Variants in EPHA3 observed in about 807,000 individuals in gnomAD.
The protein encoded by EPHA3 is EPH receptor A3.
In EPHA3, 42 loss-of-function variants were observed where a neutral mutation model predicts 107.1. The ratio of observed to expected loss-of-function variants is 0.39; its 90% CI spans 0.31 to 0.51. EPHA3 has a LOEUF of 0.51. Ranked by LOEUF, EPHA3 falls within the 20% of genes least tolerant of loss-of-function variation. The probability of loss-of-function intolerance (pLI) is 0.78; values close to 1 mark genes in which losing one functional copy is unlikely to be tolerated. For missense variants in EPHA3, 1,183 were observed against 1,211.2 expected (o/e 0.98, Z 0.35); for synonymous variants, 461 against 424.8 (o/e 1.09, Z -1.05).
chr3:89,442,908 A>C (rs899620837), intron 13 of EPHA3, among the ~76,000 whole-genome samples: 2 of 152,206 alleles, frequency 1.3e-5, no homozygotes, highest in African/African-American at 4.8e-5. Context: ...TTAAACACTT[A>C]AATTACTTAC....
intron 2 of EPHA3, among the ~76,000 whole-genome samples, chr3:89,156,880 T>A (rs887366262): frequency 1.7e-5 from 2 of 114,880 alleles, no homozygotes; most frequent in African/African-American, 6.7e-5. Context: ...ACACATTTTA[T>A]TTTTTTTTTG....
chr3:89,345,458 C>T (rs1387866193), intron 5 of EPHA3, among the ~76,000 whole-genome samples: 1 of 150,998 alleles, frequency 6.6e-6, no homozygotes, highest in Non-Finnish European at 1.5e-5. Context: ...GCCTATATAC[C>T]TTCACCCAGA....
intron 1 of EPHA3, among the ~76,000 whole-genome samples, chr3:89,109,543 CTG>C (rs1006985830): frequency 1.8e-4 from 27 of 151,800 alleles, no homozygotes; most frequent in African/African-American, 6.5e-4. Flanking sequence ...AAGAATGTAG[CTG>C]TTAGTCAGTA....
intron 5 of EPHA3, among the ~76,000 whole-genome samples, chr3:89,361,056 A>G (rs1395120722): frequency 1.3e-5 from 2 of 151,064 alleles, no homozygotes; most frequent in African/African-American, 4.8e-5. Context: ...GGCACTTGGC[A>G]AGTCTTTCTT....
chr3:89,185,383 C>T (rs185866975), intron 2 of EPHA3, among the ~76,000 whole-genome samples: 15 of 151,950 alleles, frequency 9.9e-5, no homozygotes, highest in African/African-American at 2.7e-4. Context: ...ATTTTATTGG[C>T]TACTTATGTA....
rs1576216746 is a variant in EPHA3, at chr3:89,190,078, AC to A, written c.154-19781del. On this transcript the variant is annotated intron_variant, in intron 2 of 16. Coordinates refer to ENST00000336596, the MANE Select transcript of EPHA3 (RefSeq NM_005233.6). ...TCTATCTGTAGCAGCTCAAGGTTTTACTATTTAACCATTTTATGACTACTTT... is the reference window on the plus strand; with the variant it reads ...TCTATCTGTAGCAGCTCAAGGTTTTATATTTAACCATTTTATGACTACTTT... 2.6e-5 allele frequency among the ~76,000 whole-genome samples: 4 copies of A among 152,272 alleles called. No individual in the cohort carries two copies. The East Asian group carries it at 7.7e-4, about 29-fold the overall frequency.
intron 3 of EPHA3, among the ~76,000 whole-genome samples, chr3:89,296,362 G>T (rs1706352845): frequency 6.6e-6 from 1 of 152,132 alleles, no homozygotes; most frequent in Non-Finnish European, 1.5e-5. Context: ...CTTGATTCAT[G>T]GGCTTCAGAA....
chr3:89,478,411 T>C (rs1478247936), intron 16 of EPHA3, among the ~76,000 whole-genome samples: 1 of 152,154 alleles, frequency 6.6e-6, no homozygotes, highest in Non-Finnish European at 1.5e-5. Context: ...AGGTGGGTGA[T>C]TCTTTGTGCT....
chr3:89,455,041 G>T (rs970929770), intron 15 of EPHA3, among the ~76,000 whole-genome samples: 2 of 152,046 alleles, frequency 1.3e-5, no homozygotes, highest in African/African-American at 2.4e-5. Flanking sequence ...GAAAAGTCTT[G>T]CTTCTCCAAT....
chr3:89,274,230 A>T (rs1420353288), intron 3 of EPHA3, among the ~76,000 whole-genome samples: 1 of 152,002 alleles, frequency 6.6e-6, no homozygotes, highest in African/African-American at 2.4e-5. Context: ...CCCACTTTGT[A>T]CCAGCCTCAA....
intron 3 of EPHA3, among the ~76,000 whole-genome samples, chr3:89,215,647 G>A (rs1449079548): frequency 3.3e-5 from 5 of 151,826 alleles, no homozygotes; most frequent in African/African-American, 1.2e-4. Context: ...GATCAGCAAT[G>A]AACCACTATA....
intron 3 of EPHA3, among the ~76,000 whole-genome samples, chr3:89,330,516 T>A (rs1446877803): frequency 6.6e-6 from 1 of 152,052 alleles, no homozygotes; most frequent in Admixed American, 6.6e-5. Context: ...TAGGATGATA[T>A]GAAATATTAA....
chr3:89,429,995 C>G (rs559929547), intron 12 of EPHA3, among the ~76,000 whole-genome samples: 2 of 152,168 alleles, frequency 1.3e-5, no homozygotes, highest in Admixed American at 6.5e-5. Context: ...AACCCCTGAC[C>G]TCAGATGATC....
At chr3:89,219,692 T>TTTTTTTG (rs1559606292) in intron 3 of EPHA3, among the ~76,000 whole-genome samples, 919 of 8,324 alleles carry the variant, frequency 0.11, 101 homozygotes, top group African/African-American at 0.15. Flanking sequence ...GGCAATGTTT[T>TTTTTTTG]TTTTTTTTTT....
intron 5 of EPHA3, among the ~76,000 whole-genome samples, chr3:89,368,268 A>G (rs1357723093): frequency 6.6e-6 from 1 of 150,598 alleles, no homozygotes; most frequent in Non-Finnish European, 1.5e-5. Flanking sequence ...GTGTTAGAGT[A>G]CATTATTTAA....
intron 13 of EPHA3, among the ~76,000 whole-genome samples, chr3:89,447,634 C>T (rs942732814): frequency 2.6e-5 from 4 of 152,158 alleles, no homozygotes; most frequent in Non-Finnish European, 5.9e-5. Flanking sequence ...CTAGAACATA[C>T]AGTTTTCTCC....
chr3:89,313,401 T>G (rs1186869711), intron 3 of EPHA3, among the ~76,000 whole-genome samples: 1 of 151,958 alleles, frequency 6.6e-6, no homozygotes, highest in Non-Finnish European at 1.5e-5. Context: ...CTCAATGATG[T>G]TTCGTTCTTC....
chr3:89,164,010 A>T (rs189563197), intron 2 of EPHA3, among the ~76,000 whole-genome samples: 28 of 152,294 alleles, frequency 1.8e-4, no homozygotes, highest in African/African-American at 6.5e-4. Context: ...GTACCAAATA[A>T]TATTACCATA....
At chr3:89,426,660 G>A (rs1440011314) in intron 11 of EPHA3, among the ~76,000 whole-genome samples, 2 of 151,820 alleles carry the variant, frequency 1.3e-5, no homozygotes, top group East Asian at 3.9e-4. Flanking sequence ...CTGGGAGCCA[G>A]AAGGAAAGGA....
Sources: allele counts gnomAD v4.1 joint callset (sites outside exome capture counted in the v4.1 genomes callset), GRCh38; gene constraint gnomAD v4.1.1; transcripts MANE v1.5; gene names NCBI Gene and HGNC (gene_info 2026-07-23, HGNC 2026-07-21).